DMC1: variants seen among roughly 807,000 people sequenced by gnomAD.
DMC1 encodes the protein meiotic recombination protein DMC1 homolog.
A neutral mutation model predicts 50.1 loss-of-function variants in DMC1; 27 were observed. The ratio of observed to expected loss-of-function variants is 0.54; its 90% CI spans 0.40 to 0.74. The LOEUF (loss-of-function observed/expected upper bound fraction) is 0.74. Among genes scored for constraint, DMC1 ranks in the 30% least tolerant of loss-of-function variants. The pLI is 0.00. For synonymous variants in DMC1, 148 were observed against 136.1 expected, an observed-to-expected ratio of 1.09 and a Z score of -0.61; for missense variants, 295 against 420.2, an observed-to-expected ratio of 0.70 and a Z score of 2.60.
chr22:38,524,340 G>C (rs2090063292), intron 12 of DMC1, among the ~76,000 whole-genome samples: 1 of 152,148 alleles, frequency 6.6e-6, no homozygotes, highest in Non-Finnish European at 1.5e-5. Flanking sequence ...CTTGAACCCA[G>C]GAGGCAGAGG....
chr22:38,568,398 TG>T, intron 1 of DMC1, 109 bp from the exon 2 acceptor site: 1 of 804,156 alleles, frequency 1.2e-6, no homozygotes, highest in African/African-American at 1.7e-5. Flanking sequence ...GCATTTAGCT[TG>T]GAAAGATGAG....
intron 12 of DMC1, among the ~76,000 whole-genome samples, chr22:38,522,109 G>T (rs757094355): frequency 6.6e-6 from 1 of 151,634 alleles, no homozygotes; most frequent in Non-Finnish European, 1.5e-5. Flanking sequence ...CCACCACCAC[G>T]CCCAGCTAAT....
chr22:38,540,121 T>C (rs1465081629), intron 8 of DMC1, among the ~76,000 whole-genome samples: 1 of 152,198 alleles, frequency 6.6e-6, no homozygotes, highest in Non-Finnish European at 1.5e-5. Context: ...TCTACTTTCT[T>C]CTAAAGGAGT....
downstream of DMC1, among the ~76,000 whole-genome samples, chr22:38,515,115 C>T (rs1353151607): frequency 6.6e-6 from 1 of 151,176 alleles, no homozygotes; most frequent in Non-Finnish European, 1.5e-5. Flanking sequence ...ATCTGCCCAC[C>T]TCAGCCTCCC....
At chr22:38,514,187 G>A (rs995123698), downstream of DMC1, among the ~76,000 whole-genome samples, 1 of 150,834 alleles carries the variant, frequency 6.6e-6, no homozygotes, top group African/African-American at 2.4e-5. Flanking sequence ...ATCTTGAATA[G>A]TGGCTGGGTA....
intron 12 of DMC1, among the ~76,000 whole-genome samples, chr22:38,522,725 G>T (rs1022865966): frequency 9.2e-5 from 14 of 152,224 alleles, no homozygotes; most frequent in Non-Finnish European, 1.3e-4. Flanking sequence ...AATTCAAGTT[G>T]TGCTTGCTCC....
At chr22:38,542,494 C>T (rs916355259) in intron 8 of DMC1, among the ~76,000 whole-genome samples, 4 of 151,920 alleles carry the variant, frequency 2.6e-5, no homozygotes, top group Non-Finnish European at 5.9e-5. Context: ...TTAACTTAAC[C>T]AAAGAAGTGA....
the DMC1 span, among the ~76,000 whole-genome samples, chr22:38,510,803 C>T: frequency 6.6e-6 from 1 of 152,248 alleles, no homozygotes; most frequent in South Asian, 2.1e-4. Context: ...CCCTTGATGA[C>T]ATTATAGAGT....
chr22:38,535,519 C>A (rs2090201472), intron 12 of DMC1, among the ~76,000 whole-genome samples: 2 of 151,980 alleles, frequency 1.3e-5, no homozygotes, highest in South Asian at 4.2e-4. Context: ...GTCTCCCAGG[C>A]TGAAATGCAG....
At chr22:38,558,501 G>A (rs988374852) in intron 5 of DMC1, among the ~76,000 whole-genome samples, 7 of 151,900 alleles carry the variant, frequency 4.6e-5, no homozygotes, top group African/African-American at 1.5e-4. Flanking sequence ...GATCATCTGA[G>A]GTCAGGAGTT....
At position 38,534,866 on chromosome 22, in the gene DMC1, G is replaced by A. The variant is rs1449280511; in HGVS notation, c.836+2726C>T. Among the ~76,000 whole-genome samples the A allele has an allele frequency of 2.7e-5, 4 of 148,676 alleles. No homozygotes were observed. The Admixed American group carries it at 2.7e-4, about 10-fold the overall frequency. The stretch of plus-strand genomic sequence containing the variant: ...AAAATACAAAAAAAATTAGCCAGGG[G>A]TGGTTGGCAGGTGCCTGTAATCCTA... On this transcript the variant is annotated intron_variant, in intron 12 of 13. Transcript: ENST00000216024.
intron 8 of DMC1, among the ~76,000 whole-genome samples, chr22:38,548,798 C>T (rs1291266860): frequency 6.6e-6 from 1 of 151,606 alleles, no homozygotes; most frequent in East Asian, 1.9e-4. Flanking sequence ...GTTGAGACTG[C>T]ACCACTGCAT....
At position 38,558,024 on chromosome 22, in the gene DMC1, G is replaced by A. The variant is rs896245990; in HGVS notation, c.327-2615C>T. On this transcript the variant is annotated intron_variant, in intron 5 of 13. Coordinates refer to ENST00000216024, the MANE Select transcript of DMC1 (RefSeq NM_007068.4). ...GTCGCCCAGGCTGGAATGCAGTGGC[G>A]TGATCTTGGCTCACTGCAACCTCTG... is the stretch of plus-strand genomic sequence containing the variant. Among the ~76,000 whole-genome samples the A allele has an allele frequency of 2.9e-5, 4 of 137,342 alleles. No homozygotes were observed. In the South Asian group the frequency reaches 6.9e-4, roughly 24 times the overall value. 90.1% of individuals were successfully genotyped at this position (137,342 alleles called of 152,430 possible). A position where few individuals can be genotyped will look rare whatever the true frequency, so the allele number is the denominator to read the frequency against.
At chr22:38,527,836 A>G (rs992247990) in intron 12 of DMC1, among the ~76,000 whole-genome samples, 4 of 151,668 alleles carry the variant, frequency 2.6e-5, no homozygotes, top group Admixed American at 2.0e-4. Context: ...TTCATTTTTA[A>G]TGGGGGATAA....
At chr22:38,530,043 G>A (rs1230654536) in intron 12 of DMC1, among the ~76,000 whole-genome samples, 1 of 152,112 alleles carries the variant, frequency 6.6e-6, no homozygotes, top group African/African-American at 2.4e-5. Flanking sequence ...TCAGCTCACT[G>A]CAACCTCAGC....
rs770578391 is a variant in DMC1, at chr22:38,521,575, AC to A, written c.953+32del. The A allele has an allele frequency of 6.4e-4, 835 of 1,299,992 alleles. 9 individuals carry two copies. In the African/African-American group the frequency reaches 0.011, roughly 17 times the overall value. The allele number at this position is 1,299,992 out of a possible 1,614,324, so 80.5% of individuals were successfully genotyped here. The stretch of plus-strand genomic sequence containing the variant: ...CACACACACACACACACACACACAC[AC>A]ACACACACACACAAAATAAAAAAAA... On this transcript the variant is annotated intron_variant, in intron 13 of 13. Coordinates refer to ENST00000216024, the MANE Select transcript of DMC1 (RefSeq NM_007068.4).
downstream of DMC1, among the ~76,000 whole-genome samples, chr22:38,515,340 C>T (rs547152253): frequency 2.7e-5 from 4 of 150,710 alleles, no homozygotes; most frequent in Admixed American, 6.6e-5. Flanking sequence ...ATTAGCCAGG[C>T]GAGGTTAGGC....
chr22:38,516,815 ATCTTTT>A (rs1476368929), downstream of DMC1, among the ~76,000 whole-genome samples: 6 of 152,140 alleles, frequency 3.9e-5, no homozygotes, highest in South Asian at 6.2e-4. Context: ...CAGTTGAATA[ATCTTTT>A]TCTTTTTCTT....
At chr22:38,560,397 G>A (rs1304966640) in intron 5 of DMC1, among the ~76,000 whole-genome samples, 2 of 150,954 alleles carry the variant, frequency 1.3e-5, no homozygotes, top group African/African-American at 4.8e-5. Flanking sequence ...AGATGGGAGA[G>A]GACTTTGGCT....
Sources: gnomAD v4.1 joint callset for allele counts (sites outside exome capture counted in the v4.1 genomes callset) on GRCh38, gnomAD v4.1.1 for gene constraint, MANE v1.5 for transcripts, NCBI Gene and HGNC (gene_info 2026-07-23, HGNC 2026-07-21) for gene names.